The following ABCA12 variants were observed in gnomAD, a reference collection of about 807,000 sequenced individuals.
ABCA12 encodes the protein ATP binding cassette subfamily A member 12, also known as glucosylceramide transporter ABCA12.
In ABCA12, 156 loss-of-function variants were observed where a neutral mutation model predicts 293.5. The ratio of observed to expected loss-of-function variants is 0.53; its 90% CI spans 0.47 to 0.61. The LOEUF is 0.61. Among genes scored for constraint, ABCA12 ranks in the 20% least tolerant of loss-of-function variants. The probability of loss-of-function intolerance (pLI) is 0.00; values close to 1 mark genes in which losing one functional copy is unlikely to be tolerated. For missense variants in ABCA12, 2,797 were observed against 3,090.2 expected (o/e 0.91, Z 2.25); for synonymous variants, 1,063 against 1,108.0 (o/e 0.96, Z 0.81).
At chr2:214,960,904 A>C (rs764596436) in intron 39 of ABCA12, among the ~76,000 whole-genome samples, 5 of 152,186 alleles carry the variant, frequency 3.3e-5, no homozygotes, top group Admixed American at 6.5e-5. Context: ...AGGGAACCAC[A>C]TGAATAGAAT....
chr2:215,026,972 CAT>C (rs1700760409), intron 9 of ABCA12, 34 bp from the exon 10 acceptor site: 1 of 1,456,786 alleles, frequency 6.9e-7, no homozygotes. Flanking sequence ...GAAATTAAGA[CAT>C]ATAAAAGTAA....
intron 2 of ABCA12, among the ~76,000 whole-genome samples, chr2:215,085,924 TTTTTA>T (rs1702029642): frequency 6.6e-6 from 1 of 152,202 alleles, no homozygotes; most frequent in Non-Finnish European, 1.5e-5. Flanking sequence ...CATTATGTAG[TTTTTA>T]TATAAAGAAT....
At position 215,034,958 on chromosome 2, in the gene ABCA12, A is replaced by G. The variant is rs77945075; in HGVS notation, c.985+1995T>C. On this transcript the variant is annotated intron_variant, in intron 8 of 52. Coordinates refer to ENST00000272895, the MANE Select transcript of ABCA12 (RefSeq NM_173076.3). Reference sequence around the variant, plus strand: ...CCACTCCAGCATAACAGAGTAAAAAACCAAGGGAGAAAGGATGTTCATTTT... The same window carrying G: ...CCACTCCAGCATAACAGAGTAAAAAGCCAAGGGAGAAAGGATGTTCATTTT... Among the ~76,000 whole-genome samples the G allele has an allele frequency of 5.3e-3, 808 of 152,286 alleles. 26 individuals carry two copies. The East Asian group carries it at 0.061, about 11-fold the overall frequency.
chr2:215,128,925 G>C (rs1239732040), intron 1 of ABCA12, among the ~76,000 whole-genome samples: 1 of 152,114 alleles, frequency 6.6e-6, no homozygotes, highest in Non-Finnish European at 1.5e-5. Context: ...ATTTGGGTAG[G>C]CTCTGTCAGA....
At chr2:215,077,767 T>G (rs2372479) in intron 2 of ABCA12, among the ~76,000 whole-genome samples, 72,032 of 152,142 alleles carry the variant, frequency 0.47, 19,628 homozygotes, top group South Asian at 0.63. Context: ...AAAAGTCAAC[T>G]CACTGTTCGA....
At chr2:214,999,622 A>G (rs923302326) in intron 22 of ABCA12, among the ~76,000 whole-genome samples, 9 of 152,224 alleles carry the variant, frequency 5.9e-5, no homozygotes, top group African/African-American at 2.2e-4. Context: ...AAGGGGAACA[A>G]ATGAGCAGGG....
rs1699571874 is a variant in ABCA12 at position 214,978,439 on chromosome 2, G to T, written c.5005C>A (p.Gln1669Lys). 6.2e-7 allele frequency: 1 copy of T among 1,613,460 alleles called. No homozygotes were observed. The highest frequency in any genetic ancestry group is 8.5e-7 in the Non-Finnish European group (1 of 1,179,702). ...EVFLNLTKESQKNSAMSLEHL... is the reference protein window; with the variant it reads ...EVFLNLTKESKKNSAMSLEHL... ...TCAAGACTCATAGCACTATTTTTTT[G>T]TGACTCTTTGGTCAAGTTCAGAAAG... Residue 1669 changes from glutamine (Q) to lysine (K), a missense_variant, in exon 33 of 53, where the codon CAA becomes AAA. By Grantham distance (53) the Gln-to-Lys change is moderately conservative. Around this residue, in one of 3 missense-constraint regions of ABCA12, gnomAD observed 2,130 missense variants for 2,427.0 expected, o/e 0.88. Transcript: ENST00000272895.
intron 1 of ABCA12, among the ~76,000 whole-genome samples, chr2:215,120,905 T>C (rs1421455187): frequency 2.6e-5 from 4 of 152,216 alleles, no homozygotes; most frequent in Admixed American, 1.3e-4. Flanking sequence ...CCTAGGCAAC[T>C]TTAACAATTC....
At position 214,947,835 on chromosome 2, in the gene ABCA12, T is replaced by C. The variant is rs546944332; in HGVS notation, c.7105-279A>G. 4 of 421,294 alleles carry C rather than the reference T, an allele frequency of 9.5e-6. No homozygotes were observed. In the East Asian group the frequency reaches 2.1e-4, roughly 22 times the overall value. 26.1% of individuals were successfully genotyped at this position (421,294 alleles called of 1,614,324 possible). On this transcript the variant is annotated intron_variant, in intron 47 of 52. Transcript: ENST00000272895. ...TGTTTACAATTGCAGATTGAACTTT[T>C]TGCTGCATTACCACAAGATTCTCTA...
At chr2:215,112,492 T>G (rs1364733789) in intron 1 of ABCA12, among the ~76,000 whole-genome samples, 1 of 33,386 alleles carries the variant, frequency 3.0e-5, no homozygotes, top group Non-Finnish European at 4.3e-4. Context: ...TTTTGTTTTT[T>G]TTTTGTTTTT....
At chr2:214,959,194 T>A in intron 39 of ABCA12, 116 bp from the exon 40 acceptor site, 1 of 925,440 alleles carries the variant, frequency 1.1e-6, no homozygotes, top group South Asian at 1.5e-5. Flanking sequence ...ACAATTTTAT[T>A]TGGGGGACCT....
Position 215,017,988 on chromosome 2 carries a change from A to G in ABCA12, c.1782+20T>C, listed in dbSNP as rs1013846143. On this transcript the variant is annotated intron_variant, in intron 14 of 52. Transcript: ENST00000272895. ...AAATTTCTAAGAACTGCATGTAAGTACAAACACATGACACCCCACCTCAGC... is the reference window on the plus strand; with the variant it reads ...AAATTTCTAAGAACTGCATGTAAGTGCAAACACATGACACCCCACCTCAGC... 1 of 1,613,952 alleles carries G rather than the reference A, an allele frequency of 6.2e-7. No individual in the cohort carries two copies.
intron 2 of ABCA12, among the ~76,000 whole-genome samples, chr2:215,072,807 G>C (rs1701762230): frequency 6.6e-6 from 1 of 152,148 alleles, no homozygotes; most frequent in Non-Finnish European, 1.5e-5. Flanking sequence ...AAAGAATGTT[G>C]AGTTCTTCGC....
intron 2 of ABCA12, among the ~76,000 whole-genome samples, chr2:215,093,556 T>C (rs969706103): frequency 9.9e-5 from 15 of 152,216 alleles, no homozygotes; most frequent in Non-Finnish European, 2.1e-4. Context: ...CTGTAGTCTT[T>C]TTATCCAAAC....
chr2:214,979,775 T>C (rs1699606478), intron 31 of ABCA12, among the ~76,000 whole-genome samples: 1 of 152,290 alleles, frequency 6.6e-6, no homozygotes, highest in Non-Finnish European at 1.5e-5. Context: ...AGTATAATAA[T>C]TAAGAGTATA....
At chr2:214,946,012 T>C (rs1019936149) in intron 48 of ABCA12, among the ~76,000 whole-genome samples, 15 of 152,078 alleles carry the variant, frequency 9.9e-5, no homozygotes, top group Non-Finnish European at 1.9e-4. Context: ...TAGTGGTCTA[T>C]AGGGTGACTA....
At chr2:214,979,334 A>G (rs1259833155) in intron 31 of ABCA12, among the ~76,000 whole-genome samples, 1 of 151,944 alleles carries the variant, frequency 6.6e-6, no homozygotes, top group African/African-American at 2.4e-5. Flanking sequence ...TCCCCTCCTC[A>G]GGGTCCTTGC....
chr2:215,064,020 A>G, intron 3 of ABCA12, 46 bp downstream of exon 3: 1 of 1,611,634 alleles, frequency 6.2e-7, no homozygotes, highest in Non-Finnish European at 8.5e-7. Flanking sequence ...AGGAAACAAG[A>G]TTTGATCTCT....
At chr2:215,134,463 CATATGT>C (rs1348815204) in intron 1 of ABCA12, among the ~76,000 whole-genome samples, 1 of 117,282 alleles carries the variant, frequency 8.5e-6, no homozygotes, top group Admixed American at 8.5e-5. Context: ...TACATATATG[CATATGT>C]GTATGTGTAT....
Sources: allele counts gnomAD v4.1 joint callset (sites outside exome capture counted in the v4.1 genomes callset), GRCh38; gene constraint gnomAD v4.1.1; regional missense constraint gnomAD v4.1.1; transcripts MANE v1.5; gene names NCBI Gene and HGNC (gene_info 2026-07-23, HGNC 2026-07-21).